Variants in CAMK2B observed in about 807,000 individuals in gnomAD.
CAMK2B encodes the protein calcium/calmodulin-dependent protein kinase type II subunit beta.
CAMK2B carries 27 observed loss-of-function variants against 93.7 expected under a neutral mutation model. The observed-to-expected ratio is 0.29, with a 90% CI of 0.21 to 0.40. The LOEUF (loss-of-function observed/expected upper bound fraction) is 0.40, where lower values mean the gene tolerates loss of function less well. Among genes scored for constraint, CAMK2B ranks in the 10% least tolerant of loss-of-function variants. The pLI is 1.00. For synonymous variants in CAMK2B, 374 were observed against 358.8 expected (o/e 1.04, Z -0.48); for missense variants, 568 against 895.8 (o/e 0.63, Z 4.67).
chr7:44,305,472 GC>G (rs1236399523), intron 1 of CAMK2B, among the ~76,000 whole-genome samples: 1 of 152,190 alleles, frequency 6.6e-6, no homozygotes, highest in Non-Finnish European at 1.5e-5. Flanking sequence ...GGCAGAGCAA[GC>G]CCCAGTCTCA....
intron 6 of CAMK2B, chr7:44,244,776 A>G (rs1236264248): frequency 2.9e-6 from 1 of 339,244 alleles, no homozygotes; most frequent in Non-Finnish European, 5.9e-6. Flanking sequence ...CTCAGCAGAA[A>G]CCCAGAGCTT....
At chr7:44,300,495 AC>A (rs1347698651) in intron 1 of CAMK2B, among the ~76,000 whole-genome samples, 2 of 152,148 alleles carry the variant, frequency 1.3e-5, no homozygotes, top group Non-Finnish European at 2.9e-5. Flanking sequence ...AAAAAAAAAA[AC>A]AAAACAGATT....
rs2096752871 is a variant in CAMK2B, at chr7:44,248,628, G to A, written c.342-1436C>T. ...GCCAGATCCTTGGGGACAGGAGGGT[G>A]ACCAGGGTCAGCAAGATGAGTGGGC... On this transcript the variant is annotated intron_variant, in intron 5 of 23. Transcript: ENST00000395749. The surrounding 1 kb of genome is among the most constrained non-coding windows in gnomAD (Gnocchi z 4.1). Among the ~76,000 whole-genome samples, 1 of 152,204 alleles carries A rather than the reference G, an allele frequency of 6.6e-6. No homozygotes were observed. Among genetic ancestry groups the A allele is most frequent in the African/African-American group, 2.4e-5 (1 of 41,444 alleles).
intron 2 of CAMK2B, among the ~76,000 whole-genome samples, chr7:44,266,406 G>A (rs1487468732): frequency 1.3e-5 from 2 of 152,226 alleles, no homozygotes; most frequent in Admixed American, 6.5e-5. Context: ...CATGGACAAG[G>A]TTAAGTAAGT....
rs562228284 is a variant in CAMK2B at position 44,312,987 on chromosome 7, G to A, written c.65+12370C>T. 1.3e-4 allele frequency among the ~76,000 whole-genome samples: 20 copies of A among 152,114 alleles called. No homozygotes were observed. Among genetic ancestry groups the A allele is most frequent in the South Asian group, 2.1e-4 (1 of 4,822 alleles). On this transcript the variant is annotated intron_variant, in intron 1 of 23. Transcript: ENST00000395749. This position sits in a 1 kb window ranked among gnomAD's most constrained non-coding sequence, Gnocchi z 4.1. ...GGACAGCTGGGTCCCCAGCTCTGTCGAAGGAGGAGTACAGGCTCAGCCACA... is the reference window on the plus strand; with the variant it reads ...GGACAGCTGGGTCCCCAGCTCTGTCAAAGGAGGAGTACAGGCTCAGCCACA...
chr7:44,317,780 G>A (rs938881217), intron 1 of CAMK2B, among the ~76,000 whole-genome samples: 1 of 152,134 alleles, frequency 6.6e-6, no homozygotes, highest in Non-Finnish European at 1.5e-5. Context: ...ATGTCATTGT[G>A]AATGTAGAGA....
intron 1 of CAMK2B, among the ~76,000 whole-genome samples, chr7:44,302,284 A>G (rs1790278862): frequency 6.6e-6 from 1 of 152,216 alleles, no homozygotes; most frequent in South Asian, 2.1e-4. Context: ...AGAAAGCACC[A>G]GGCCCAGATT....
rs948614717 is a variant in CAMK2B, at chr7:44,271,422, G to A, written c.161-8358C>T. 1.3e-5 allele frequency among the ~76,000 whole-genome samples: 2 copies of A among 152,220 alleles called. No homozygotes were observed. The highest frequency in any genetic ancestry group is 4.8e-5 in the African/African-American group (2 of 41,450). On this transcript the variant is annotated intron_variant, in intron 2 of 23. Coordinates refer to ENST00000395749, the MANE Select transcript of CAMK2B (RefSeq NM_001220.5). The surrounding 1 kb of genome is among the most constrained non-coding windows in gnomAD (Gnocchi z 4.2). ...TGAGCAGCTCGGCCAGAACCTGATA[G>A]GACATCCTGGGCCTTGACACCAGGC... is the stretch of plus-strand genomic sequence containing the variant.
chr7:44,229,261 G>A lies in CAMK2B; in HGVS notation c.1339+127C>T, dbSNP rs554439617. On this transcript the variant is annotated intron_variant, in intron 18 of 23. Transcript: ENST00000395749. ...GCCACCCTGGAAAGCCCCAGTGAGGGATTGTGGGGTGATGAGGCTGGAGCC... is the reference window on the plus strand; with the variant it reads ...GCCACCCTGGAAAGCCCCAGTGAGGAATTGTGGGGTGATGAGGCTGGAGCC... The A allele has an allele frequency of 1.1e-3, 713 of 661,366 alleles. 15 individuals carry two copies. The South Asian group carries it at 0.012, about 11-fold the overall frequency. 41.0% of individuals were successfully genotyped at this position (661,366 alleles called of 1,614,324 possible).
intron 5 of CAMK2B, among the ~76,000 whole-genome samples, chr7:44,253,887 C>G (rs1457067627): frequency 6.6e-6 from 1 of 151,384 alleles, no homozygotes; most frequent in African/African-American, 2.4e-5. Context: ...TGTGAGCTAC[C>G]ATGCCTGGCC....
At chr7:44,220,951 C>G in intron 20 of CAMK2B, 50 bp from the exon 21 acceptor site, 9 of 1,487,442 alleles carry the variant, frequency 6.1e-6, no homozygotes, top group Non-Finnish European at 8.2e-6. Flanking sequence ...CCATTCCCCC[C>G]GGACCCCTCC....
intron 17 of CAMK2B, among the ~76,000 whole-genome samples, chr7:44,230,557 A>G (rs55962703): frequency 0.013 from 1,990 of 152,334 alleles, 36 homozygotes; most frequent in African/African-American, 0.046. Flanking sequence ...AACCCACCGC[A>G]GCAGGACACT....
At chr7:44,279,963 C>A (rs2097089606) in intron 2 of CAMK2B, among the ~76,000 whole-genome samples, 1 of 152,118 alleles carries the variant, frequency 6.6e-6, no homozygotes, top group South Asian at 2.1e-4. Context: ...AGGACTGCCT[C>A]AGGACTGCCT....
chr7:44,230,602 C>A (rs892594219), intron 17 of CAMK2B, among the ~76,000 whole-genome samples: 1 of 152,228 alleles, frequency 6.6e-6, no homozygotes, highest in Non-Finnish European at 1.5e-5. Flanking sequence ...GAAACACTCA[C>A]CCAGCTGCCC....
chr7:44,300,457 C>T (rs1440142759), intron 1 of CAMK2B, among the ~76,000 whole-genome samples: 2 of 151,712 alleles, frequency 1.3e-5, no homozygotes, highest in African/African-American at 4.8e-5. Flanking sequence ...CCACTGCACC[C>T]ACCCAGGAGT....
At chr7:44,235,824 C>A (rs2096620245) in intron 13 of CAMK2B, among the ~76,000 whole-genome samples, 1 of 152,206 alleles carries the variant, frequency 6.6e-6, no homozygotes. Flanking sequence ...AATCCCCCAT[C>A]CCTCCCCCAC....
chr7:44,288,591 C>T (rs953767548), intron 1 of CAMK2B, among the ~76,000 whole-genome samples: 2 of 152,156 alleles, frequency 1.3e-5, no homozygotes, highest in South Asian at 2.1e-4. Flanking sequence ...ATGAGGCCCC[C>T]GGGCACCAAG....
intron 2 of CAMK2B, among the ~76,000 whole-genome samples, chr7:44,264,646 T>C (rs2096907957): frequency 6.6e-6 from 1 of 152,116 alleles, no homozygotes; most frequent in South Asian, 2.1e-4. Context: ...CTGCTCCCTC[T>C]CCCACCTGCA....
At chr7:44,282,889 A>G (rs1010623931) in intron 2 of CAMK2B, among the ~76,000 whole-genome samples, 32 of 152,114 alleles carry the variant, frequency 2.1e-4, no homozygotes, top group African/African-American at 6.8e-4. Context: ...CCAGCTCCCA[A>G]TTAGCTCAGA....
Sources: allele counts gnomAD v4.1 joint callset (sites outside exome capture counted in the v4.1 genomes callset), GRCh38; gene constraint gnomAD v4.1.1; non-coding constraint Gnocchi (gnomAD v3.1); transcripts MANE v1.5; gene names NCBI Gene and HGNC (gene_info 2026-07-23, HGNC 2026-07-21).